FADS2: variants seen among roughly 807,000 people sequenced by gnomAD.
The protein encoded by FADS2 is fatty acid desaturase 2.
A neutral mutation model predicts 61.2 loss-of-function variants in FADS2; 18 were observed. The observed-to-expected ratio is 0.29, with a 90% CI of 0.20 to 0.44. The LOEUF is 0.44. Among genes scored for constraint, FADS2 ranks in the 20% least tolerant of loss-of-function variants. The pLI is 1.00. For missense variants in FADS2, 322 were observed against 572.7 expected, an observed-to-expected ratio of 0.56 and a Z score of 4.47; for synonymous variants, 203 against 223.9, an observed-to-expected ratio of 0.91 and a Z score of 0.83.
upstream of FADS2, among the ~76,000 whole-genome samples, chr11:61,825,140 A>C (rs963992425): frequency 1.3e-5 from 2 of 152,176 alleles, no homozygotes; most frequent in Admixed American, 1.3e-4. Context: ...CATAACGTTA[A>C]AATAGAATTT....
At chr11:61,843,039 G>A (rs1383214536) in intron 4 of FADS2, among the ~76,000 whole-genome samples, 2 of 152,254 alleles carry the variant, frequency 1.3e-5, no homozygotes, top group African/African-American at 4.8e-5. Flanking sequence ...TTCAGCCCGT[G>A]TCATGCCCAG....
intron 2 of FADS2, among the ~76,000 whole-genome samples, chr11:61,839,559 G>A (rs1455217990): frequency 6.6e-6 from 1 of 152,102 alleles, no homozygotes; most frequent in African/African-American, 2.4e-5. Context: ...CTGACCTCAG[G>A]TGATCTGCCT....
intron 7 of FADS2, among the ~76,000 whole-genome samples, chr11:61,859,314 CCCAA>C (rs1188644389): frequency 2.6e-5 from 4 of 152,182 alleles, no homozygotes; most frequent in African/African-American, 9.7e-5. Context: ...ACCTCAGCCT[CCCAA>C]AGTGCTGGGA....
chr11:61,821,619 C>T (rs2067037148), intron 1 of FADS2, among the ~76,000 whole-genome samples: 1 of 152,162 alleles, frequency 6.6e-6, no homozygotes, highest in South Asian at 2.1e-4. Flanking sequence ...AGCAGCCCTT[C>T]AGGCCATTAA....
chr11:61,817,613 T>G (rs1294883788), intron 1 of FADS2, among the ~76,000 whole-genome samples: 1 of 152,208 alleles, frequency 6.6e-6, no homozygotes, highest in African/African-American at 2.4e-5. Flanking sequence ...CTTAGGTGTT[T>G]CACCTGAAAA....
At chr11:61,827,166 G>T (rs994668094), upstream of FADS2, among the ~76,000 whole-genome samples, 1 of 152,164 alleles carries the variant, frequency 6.6e-6, no homozygotes, top group African/African-American at 2.4e-5. This position sits in a 1 kb window ranked among gnomAD's most constrained non-coding sequence, Gnocchi z 4.5. Context: ...GCCCCATCCA[G>T]CTGGGGTCTG....
rs1035510072 is a variant in FADS2, at chr11:61,865,798, C to T, written c.*109C>T. 2.1e-5 allele frequency: 18 copies of T among 844,702 alleles called. 1 individual carries two copies. In the African/African-American group the frequency reaches 3.0e-4, roughly 14 times the overall value. The allele number at this position is 844,702 out of a possible 1,614,324, so 52.3% of individuals were successfully genotyped here. The stretch of plus-strand genomic sequence containing the variant: ...GTCCGAGAGGCTGGTGTATGCACTG[C>T]TCACGGACCCCATGTTGGATCTTTC... On this transcript the variant is annotated 3_prime_UTR_variant, in exon 12 of 12. Coordinates refer to ENST00000278840, the MANE Select transcript of FADS2 (RefSeq NM_004265.4). This position sits in a 1 kb window ranked among gnomAD's most constrained non-coding sequence, Gnocchi z 4.1.
At chr11:61,821,262 A>G in intron 1 of FADS2, 1 of 606,662 alleles carries the variant, frequency 1.6e-6, no homozygotes, top group Non-Finnish European at 2.9e-6. Flanking sequence ...ACTCGTGCCT[A>G]TAATCCCAGT....
In FADS2 at chr11:61,863,794, C is replaced by A. The variant is rs374704111; in HGVS notation, c.1157+8C>A. 5 of 1,611,676 alleles carry A rather than the reference C, an allele frequency of 3.1e-6. No homozygotes were observed. The highest frequency in any genetic ancestry group is 2.5e-6 in the Non-Finnish European group (3 of 1,177,924). On this transcript the variant is annotated splice_region_variant and intron_variant, in intron 10 of 11. Coordinates refer to ENST00000278840, the MANE Select transcript of FADS2 (RefSeq NM_004265.4). Reference sequence around the variant, plus strand: ...CTTCCAGATTGAGCACCAGTGAGCGCGGGGCTGCGGGGAGGCGGGGAGACC... The same window carrying A: ...CTTCCAGATTGAGCACCAGTGAGCGAGGGGCTGCGGGGAGGCGGGGAGACC...
intron 10 of FADS2, among the ~76,000 whole-genome samples, chr11:61,864,644 G>T (rs1409370005): frequency 6.6e-6 from 1 of 151,988 alleles, no homozygotes; most frequent in Non-Finnish European, 1.5e-5. Context: ...ATCCACCTGC[G>T]TTGGCCTCCC....
intron 7 of FADS2, among the ~76,000 whole-genome samples, chr11:61,860,418 G>T (rs568868964): frequency 4.6e-5 from 7 of 152,326 alleles, no homozygotes; most frequent in African/African-American, 1.7e-4. Flanking sequence ...ATCCTGAGAT[G>T]CTCCCACGCT....
At chr11:61,836,149 G>A (rs2067172470) in intron 1 of FADS2, among the ~76,000 whole-genome samples, 1 of 152,188 alleles carries the variant, frequency 6.6e-6, no homozygotes, top group Admixed American at 6.5e-5. Context: ...CCAGGCTGGA[G>A]TGCAGTGGTG....
At chr11:61,847,714 G>C (rs1390462332) in intron 4 of FADS2, 1 of 188,734 alleles carries the variant, frequency 5.3e-6, no homozygotes, top group Non-Finnish European at 1.1e-5. Context: ...TTGGTGTGTG[G>C]ACATGTTTTC....
chr11:61,818,371 T>A (rs1411403701), intron 1 of FADS2, among the ~76,000 whole-genome samples: 1 of 152,204 alleles, frequency 6.6e-6, no homozygotes, highest in Non-Finnish European at 1.5e-5. Flanking sequence ...TGCACCTCTG[T>A]ACAGCCAATA....
chr11:61,816,900 A>G lies in FADS2; in HGVS notation c.141+474A>G. On this transcript the variant is annotated intron_variant, in intron 1 of 11. Coordinates refer to the FADS2 transcript ENST00000257261. The surrounding 1 kb of genome is among the most constrained non-coding windows in gnomAD (Gnocchi z 7.0). ...CCGGGTTTTCAGCACCGCAGGGCAG[A>G]CCGGCGGGCCTCGCAGCGCGCGTTC... 1 of 1,419,990 alleles carries G rather than the reference A, an allele frequency of 7.0e-7. No homozygotes were observed. 88.0% of individuals were successfully genotyped at this position (1,419,990 alleles called of 1,614,324 possible). A position where few individuals can be genotyped will look rare whatever the true frequency, so the allele number is the denominator to read the frequency against.
At chr11:61,848,456 TGAGCAGG>T (rs768595850) in intron 5 of FADS2, among the ~76,000 whole-genome samples, 172 bp downstream of exon 5, 4 of 152,138 alleles carry the variant, frequency 2.6e-5, no homozygotes, top group Non-Finnish European at 5.9e-5. Context: ...GTGTTTGGCC[TGAGCAGG>T]GAGCAGGGAA....
chr11:61,829,931 G>T (rs1565327018), intron 1 of FADS2, among the ~76,000 whole-genome samples: 1 of 152,234 alleles, frequency 6.6e-6, no homozygotes, highest in Non-Finnish European at 1.5e-5. Flanking sequence ...CAGGGCCAGG[G>T]CTTATCTAAG....
Position 61,851,190 on chromosome 11 carries a change from C to T in FADS2, c.744+2906C>T, listed in dbSNP as rs540058666. On this transcript the variant is annotated intron_variant, in intron 5 of 11. Coordinates refer to ENST00000278840, the MANE Select transcript of FADS2 (RefSeq NM_004265.4). The stretch of plus-strand genomic sequence containing the variant: ...AGTGGGGACAAAGGCTTCATTTTCT[C>T]GGCGAGGCTTTGTAATGTAGAGCCG... Among the ~76,000 whole-genome samples, 276 of 152,274 alleles carry T rather than the reference C, an allele frequency of 1.8e-3. 1 individual carries two copies. Among genetic ancestry groups the T allele is most frequent in the Non-Finnish European group, 2.6e-3 (179 of 68,022 alleles).
At chr11:61,829,871 A>G (rs975845112) in intron 1 of FADS2, among the ~76,000 whole-genome samples, 11 of 152,280 alleles carry the variant, frequency 7.2e-5, no homozygotes, top group Middle Eastern at 3.4e-3. Context: ...GGAAGGCCAG[A>G]CCAGGCCACC....
Sources: gnomAD v4.1 joint callset for allele counts (sites outside exome capture counted in the v4.1 genomes callset) on GRCh38, gnomAD v4.1.1 for gene constraint, Gnocchi (gnomAD v3.1) non-coding constraint, MANE v1.5 for transcripts, NCBI Gene and HGNC (gene_info 2026-07-23, HGNC 2026-07-21) for gene names.